SFRP1: variants seen among roughly 807,000 people sequenced by gnomAD.
SFRP1 encodes secreted frizzled-related protein 1.
Under a neutral mutation model 25.9 loss-of-function variants are expected in SFRP1, and 9 were observed. That is an observed-to-expected ratio of 0.35 (90% CI 0.21 to 0.61). The LOEUF (loss-of-function observed/expected upper bound fraction) is 0.61, where lower values mean the gene tolerates loss of function less well. SFRP1 is among the 20% of genes least tolerant of loss of function. SFRP1 has a pLI of 0.78. For missense variants in SFRP1, 346 were observed against 418.2 expected (o/e 0.83, Z 1.51); for synonymous variants, 178 against 174.0 (o/e 1.02, Z -0.18).
chr8:41,293,823 A>G (rs1803807666), intron 2 of SFRP1, among the ~76,000 whole-genome samples: 1 of 151,954 alleles, frequency 6.6e-6, no homozygotes, highest in Non-Finnish European at 1.5e-5. Flanking sequence ...CCCAGGCTGG[A>G]GTGCAGTGGC....
At chr8:41,269,138 C>T (rs946747496) in intron 2 of SFRP1, among the ~76,000 whole-genome samples, 11 of 152,224 alleles carry the variant, frequency 7.2e-5, no homozygotes, top group Non-Finnish European at 7.3e-5. Flanking sequence ...TCCATGCTTC[C>T]CTGATTGGGC....
intron 2 of SFRP1, among the ~76,000 whole-genome samples, chr8:41,269,299 T>A (rs1022660453): frequency 3.3e-5 from 5 of 152,094 alleles, no homozygotes; most frequent in African/African-American, 1.2e-4. Context: ...AATTTTAACA[T>A]CCTCCAAGGG....
intron 1 of SFRP1, chr8:41,306,819 T>C: frequency 6.3e-7 from 1 of 1,598,046 alleles, no homozygotes; most frequent in Non-Finnish European, 8.5e-7. Flanking sequence ...GGGCAAAAGG[T>C]GTCCGGAAGA....
Position 41,309,191 on chromosome 8 carries a change from G to C in SFRP1, c.-32C>G, listed in dbSNP as rs889587673. Reference sequence around the variant, plus strand: ...TCTGCGCCCTGTTCTCCGCGACGTCGGGGCTGCCTCCGCCGCCTCCCCGCG... The same window carrying C: ...TCTGCGCCCTGTTCTCCGCGACGTCCGGGCTGCCTCCGCCGCCTCCCCGCG... On this transcript the variant is annotated 5_prime_UTR_variant, in exon 1 of 3. Coordinates refer to ENST00000220772, the MANE Select transcript of SFRP1 (RefSeq NM_003012.5). The C allele has an allele frequency of 3.9e-6, 5 of 1,282,290 alleles. No individual in the cohort carries two copies. Among genetic ancestry groups the C allele is most frequent in the South Asian group, 2.8e-5 (1 of 35,242 alleles). 79.4% of individuals were successfully genotyped at this position (1,282,290 alleles called of 1,614,324 possible).
chr8:41,275,138 T>G (rs890124956), intron 2 of SFRP1: 2 of 437,516 alleles, frequency 4.6e-6, no homozygotes, highest in Non-Finnish European at 4.5e-6. Flanking sequence ...AGACGTTAAA[T>G]CTGGTTCAAC....
chr8:41,282,939 C>A (rs183659442), intron 2 of SFRP1, among the ~76,000 whole-genome samples: 2 of 152,134 alleles, frequency 1.3e-5, no homozygotes, highest in South Asian at 4.1e-4. Context: ...AATTTTGATT[C>A]ATTTCCCTAT....
rs181074849 is a variant in SFRP1 at position 41,305,404 on chromosome 8, G to A, written c.545-1866C>T. The stretch of plus-strand genomic sequence containing the variant: ...TCCCGTCAATTACATTTGGACTTCA[G>A]TGCCTCTCAGAATGGCAGGAGCTCG... On this transcript the variant is annotated intron_variant, in intron 1 of 2. Coordinates refer to ENST00000220772, the MANE Select transcript of SFRP1 (RefSeq NM_003012.5). Among the ~76,000 whole-genome samples the A allele has an allele frequency of 2.0e-5, 3 of 152,352 alleles. No homozygotes were observed. The East Asian group carries it at 5.8e-4, about 29-fold the overall frequency.
chr8:41,295,117 C>T (rs1036136421), intron 2 of SFRP1, among the ~76,000 whole-genome samples: 6 of 152,198 alleles, frequency 3.9e-5, no homozygotes, highest in African/African-American at 1.4e-4. Flanking sequence ...AATCTCAGCA[C>T]TTTGGGAGGC....
At chr8:41,308,146 T>C (rs1395820221) in intron 1 of SFRP1, among the ~76,000 whole-genome samples, 2 of 152,378 alleles carry the variant, frequency 1.3e-5, no homozygotes, top group East Asian at 1.9e-4. Context: ...CAAAAGCTGC[T>C]CCAAGCATTC....
At chr8:41,286,507 G>C (rs1279087882) in intron 2 of SFRP1, among the ~76,000 whole-genome samples, 2 of 152,222 alleles carry the variant, frequency 1.3e-5, no homozygotes, top group East Asian at 1.9e-4. Flanking sequence ...AGCGGGGCGG[G>C]GGGAGGGGGT....
rs948346043 is a variant in SFRP1 at position 41,262,515 on chromosome 8, A to C, written c.*2652T>G. 6.6e-6 allele frequency: 1 copy of C among 152,254 alleles called. No homozygotes were observed. The highest frequency in any genetic ancestry group is 2.4e-5 in the African/African-American group (1 of 41,468). The allele number at this position is 152,254 out of a possible 1,614,324, so 9.4% of individuals were successfully genotyped here. A position where few individuals can be genotyped will look rare whatever the true frequency, so the allele number is the denominator to read the frequency against. On this transcript the variant is annotated 3_prime_UTR_variant, in exon 3 of 3. Transcript: ENST00000220772. The stretch of plus-strand genomic sequence containing the variant: ...AAGTGTTACACAGGATATTTTAAAA[A>C]TAAAATGTTTTTGGAATCCTCACCT...
At position 41,265,118 on chromosome 8, in the gene SFRP1, C is replaced by CCCCAA; in HGVS notation, c.*48_*49insTTGGG. 3 of 471,802 alleles carry CCCCAA rather than the reference C, an allele frequency of 6.4e-6. No homozygotes were observed. The highest frequency in any genetic ancestry group is 8.8e-5 in the East Asian group (2 of 22,740). 29.2% of individuals were successfully genotyped at this position (471,802 alleles called of 1,614,324 possible). A position where few individuals can be genotyped will look rare whatever the true frequency, so the allele number is the denominator to read the frequency against. ...CCGGGTTCCCGGGGCACTGTCCCCC[C>CCCCAA]CGCTCCCACCCCACCCGAGGCTCCC... is the stretch of plus-strand genomic sequence containing the variant. On this transcript the variant is annotated 3_prime_UTR_variant, in exon 3 of 3. Transcript: ENST00000220772.
intron 2 of SFRP1, among the ~76,000 whole-genome samples, chr8:41,281,645 A>C (rs1045127490): frequency 6.6e-6 from 1 of 152,220 alleles, no homozygotes; most frequent in Non-Finnish European, 1.5e-5. Context: ...TCAATCTGTC[A>C]TTGACTGAGG....
chr8:41,281,172 C>G (rs756401255), intron 2 of SFRP1, among the ~76,000 whole-genome samples: 6 of 152,204 alleles, frequency 3.9e-5, no homozygotes, highest in Admixed American at 3.3e-4. Context: ...CCTTCCACTC[C>G]GTGCAGGGAG....
chr8:41,303,643 G>T, intron 1 of SFRP1, 105 bp from the exon 2 acceptor site: 1 of 838,752 alleles, frequency 1.2e-6, no homozygotes. Flanking sequence ...AGTGGCTAAA[G>T]GTCTTCTGGA....
intron 2 of SFRP1, among the ~76,000 whole-genome samples, chr8:41,283,054 A>G (rs1467156143): frequency 6.6e-6 from 1 of 152,206 alleles, no homozygotes; most frequent in Non-Finnish European, 1.5e-5. Context: ...AACACTGCTG[A>G]ATTTAGATTC....
rs556920508 is a variant in SFRP1 at position 41,278,569 on chromosome 8, C to A, written c.623-13080G>T. Among the ~76,000 whole-genome samples the A allele has an allele frequency of 6.6e-5, 10 of 152,290 alleles. No homozygotes were observed. In the East Asian group the frequency reaches 1.7e-3, roughly 26 times the overall value. ...TGAAATCCAGTAGAGAAGCCCAGAC[C>A]GCACAATGGGAACATCCCACCTCTC... is the stretch of plus-strand genomic sequence containing the variant. On this transcript the variant is annotated intron_variant, in intron 2 of 2. Coordinates refer to ENST00000220772, the MANE Select transcript of SFRP1 (RefSeq NM_003012.5).
intron 2 of SFRP1, among the ~76,000 whole-genome samples, chr8:41,279,771 A>C (rs1008124569): frequency 2.2e-5 from 3 of 139,040 alleles, no homozygotes; most frequent in African/African-American, 6.3e-5. Flanking sequence ...CAAAGCTAAG[A>C]AAGCAAAAAA....
chr8:41,269,458 T>C (rs1803476184), intron 2 of SFRP1, among the ~76,000 whole-genome samples: 1 of 152,170 alleles, frequency 6.6e-6, no homozygotes, highest in South Asian at 2.1e-4. Flanking sequence ...GAGTAGGCCA[T>C]TAAGCTTTCA....
Sources: gnomAD v4.1 joint callset for allele counts (sites outside exome capture counted in the v4.1 genomes callset) on GRCh38, gnomAD v4.1.1 for gene constraint, MANE v1.5 for transcripts, NCBI Gene and HGNC (gene_info 2026-07-23, HGNC 2026-07-21) for gene names.